ZAN: variants seen among roughly 807,000 people sequenced by gnomAD.
ZAN encodes zonadhesin (gene/pseudogene).
In ZAN, 260 loss-of-function variants were observed where a neutral mutation model predicts 286.2. The observed-to-expected ratio is 0.91, with a 90% CI of 0.82 to 1.01. The LOEUF (loss-of-function observed/expected upper bound fraction) is 1.01. Ranked by LOEUF, ZAN falls within the 50% of genes least tolerant of loss-of-function variation. The probability of loss-of-function intolerance (pLI) is 0.00; values close to 1 mark genes in which losing one functional copy is unlikely to be tolerated. For missense variants in ZAN, 3,410 were observed against 3,639.2 expected (o/e 0.94, Z 1.62); for synonymous variants, 1,368 against 1,417.5 (o/e 0.97, Z 0.79).
At position 100,784,815 on chromosome 7, in the gene ZAN, C is replaced by A. The variant is rs114513247; in HGVS notation, c.6815C>A (p.Ala2272Asp). 350 of 1,601,650 alleles carry A rather than the reference C, an allele frequency of 2.2e-4. No homozygotes were observed. In the African/African-American group the frequency reaches 4.1e-3, roughly 19 times the overall value. The change falls in exon 36 of 48, where the codon GCC becomes GAC. Residue 2272 changes from alanine to aspartate, a missense_variant. Physicochemically the swap from Ala to Asp is moderately radical, Grantham distance 126. Transcript: ENST00000613979. ...AGAAGTCAGTGTGGCTGCAAGGATG[C>A]CCATGGTGGCTCCATCCCTGTGAGT... ...VPRSQCGCKD[A>D]HGGSIPLGKS...
In ZAN at chr7:100,763,926, A is replaced by C. The variant is rs1241753978; in HGVS notation, c.4097+10A>C. The C allele has an allele frequency of 6.2e-7, 1 of 1,613,226 alleles. No homozygotes were observed. On this transcript the variant is annotated intron_variant, in intron 21 of 47. Transcript: ENST00000613979. This position sits in a 1 kb window ranked among gnomAD's most constrained non-coding sequence, Gnocchi z 4.6. ...CTCATGGCCCATTTGAGTATGAAGG[A>C]GGGCAGGCAGGGTCGCACAGGGGCG...
At chr7:100,761,921 GGA>G (rs1315821170) in intron 19 of ZAN, among the ~76,000 whole-genome samples, 1 of 151,082 alleles carries the variant, frequency 6.6e-6, no homozygotes, top group Admixed American at 6.6e-5. Flanking sequence ...CCTAGGTGAC[GGA>G]GAGAGACTCC....
chr7:100,755,312 C>T lies in ZAN; in HGVS notation c.3211C>T (p.Arg1071Trp), dbSNP rs773386504. ...CAGGCCTAGCTGTGGGCCCCTCTGTCGGGAGGGCTGTGTCTGCAACCCTGG... is the reference window on the plus strand; with the variant it reads ...CAGGCCTAGCTGTGGGCCCCTCTGTTGGGAGGGCTGTGTCTGCAACCCTGG... ...SPRPSCGPLC[R>W]EGCVCNPGFL... The change falls in exon 15 of 48, where the codon CGG becomes TGG. Residue 1071 changes from arginine to tryptophan, a missense_variant. Arg to Trp is a moderately radical substitution (Grantham distance 101). This residue lies in a region of ZAN where 1,042 missense variants were observed against 1,058.0 expected (regional missense o/e 0.98). Transcript: ENST00000613979. 19 of 1,613,732 alleles carry T rather than the reference C, an allele frequency of 1.2e-5. No homozygotes were observed. Among genetic ancestry groups the T allele is most frequent in the South Asian group, 1.1e-4 (10 of 91,084 alleles).
intron 31 of ZAN, among the ~76,000 whole-genome samples, chr7:100,774,745 G>A (rs1482037119): frequency 6.6e-6 from 1 of 151,776 alleles, no homozygotes; most frequent in East Asian, 1.9e-4. Context: ...AGGACCACTT[G>A]AGCCCAGGAG....
chr7:100,771,723 T>C (rs1187414635), intron 28 of ZAN, 121 bp from the exon 29 acceptor site: 5 of 1,103,658 alleles, frequency 4.5e-6, no homozygotes, highest in Non-Finnish European at 6.4e-6. Context: ...TGAGCCACTG[T>C]GCCTGGCGGG....
intron 28 of ZAN, among the ~76,000 whole-genome samples, chr7:100,770,621 G>A (rs1018016976): frequency 1.3e-5 from 2 of 151,246 alleles, no homozygotes; most frequent in African/African-American, 4.9e-5. Context: ...TAGTTGGGAT[G>A]ACAGGCATAA....
intron 33 of ZAN, 123 bp from the exon 34 acceptor site, chr7:100,776,317 G>A (rs1462479106): frequency 8.7e-6 from 11 of 1,261,926 alleles, no homozygotes; most frequent in Non-Finnish European, 1.0e-5. Context: ...AAACTTGAAG[G>A]AAGGGAGGGA....
chr7:100,768,031 G>A lies in ZAN; in HGVS notation c.5041+20G>A. ...TGTGTGGTGAGTTTCCTGGGCACCTGCGGGGAAAGCTGGGACAATGAGTAG... is the reference window on the plus strand; with the variant it reads ...TGTGTGGTGAGTTTCCTGGGCACCTACGGGGAAAGCTGGGACAATGAGTAG... On this transcript the variant is annotated intron_variant, in intron 26 of 47. Coordinates refer to ENST00000613979, the MANE Select transcript of ZAN (RefSeq NM_003386.3). The A allele has an allele frequency of 6.2e-7, 1 of 1,601,552 alleles. No individual in the cohort carries two copies. Among genetic ancestry groups the A allele is most frequent in the Non-Finnish European group, 8.5e-7 (1 of 1,173,648 alleles).
chr7:100,744,489 T>G (rs1328285581), intron 7 of ZAN, among the ~76,000 whole-genome samples: 2 of 150,720 alleles, frequency 1.3e-5, no homozygotes, highest in East Asian at 2.0e-4. Flanking sequence ...ATCCCAACAC[T>G]CGGGAGGCTG....
Position 100,791,220 on chromosome 7 carries a change from G to T in ZAN, c.7529+107G>T, listed in dbSNP as rs1459577444. The T allele has an allele frequency of 9.3e-6, 13 of 1,390,510 alleles. No homozygotes were observed. In the East Asian group the frequency reaches 2.7e-4, roughly 29 times the overall value. 86.1% of individuals were successfully genotyped at this position (1,390,510 alleles called of 1,614,324 possible). ...GAGAGGATGAAACTCCAGGGAGAGG[G>T]TGCAGATAGGCCTGGATCCTCCCAA... On this transcript the variant is annotated intron_variant, in intron 40 of 47. Transcript: ENST00000613979.
Position 100,759,723 on chromosome 7 carries a change from C to A in ZAN, c.3574C>A (p.Pro1192Thr), listed in dbSNP as rs768558837. The change falls in exon 18 of 48, where the codon CCA (proline) becomes ACA (threonine). Residue 1192 changes from proline (P) to threonine (T), a missense_variant and splice_region_variant. Transcript: ENST00000613979. ...TCTTCATTCCTCTCCCTACCCAGAC[C>A]CATTCTTCAGGGTGACAGCCAAGAA... ...LAQPCGNSTD[P>T]FFRVTAKNEE... 3 of 1,585,082 alleles carry A rather than the reference C, an allele frequency of 1.9e-6. No homozygotes were observed. The highest frequency in any genetic ancestry group is 1.8e-5 in the Admixed American group (1 of 55,820).
Position 100,763,819 on chromosome 7 carries a change from C to G in ZAN, c.4000C>G (p.Gln1334Glu). 1.2e-6 allele frequency: 2 copies of G among 1,614,000 alleles called. No homozygotes were observed. Among genetic ancestry groups the G allele is most frequent in the Non-Finnish European group, 1.7e-6 (2 of 1,179,890 alleles). Residue 1334 changes from glutamine (Q) to glutamate (E), a missense_variant, in exon 21 of 48, where the codon CAG (glutamine) becomes GAG (glutamate). Physicochemically the swap from Gln to Glu is conservative, Grantham distance 29. Coordinates refer to ENST00000613979, the MANE Select transcript of ZAN (RefSeq NM_003386.3). This position sits in a 1 kb window ranked among gnomAD's most constrained non-coding sequence, Gnocchi z 4.6. ...QDEDQECQKYQVVNSPSCDSS... is the reference protein window; with the variant it reads ...QDEDQECQKYEVVNSPSCDSS... Reference sequence around the variant, plus strand: ...GGTCTCTTGCAGGTGTCAGAAGTACCAGGTGGTGAATTCCCCGTCTTGTGA... The same window carrying G: ...GGTCTCTTGCAGGTGTCAGAAGTACGAGGTGGTGAATTCCCCGTCTTGTGA...
chr7:100,768,081 C>A, intron 26 of ZAN, 70 bp downstream of exon 26: 2 of 1,516,780 alleles, frequency 1.3e-6, no homozygotes, highest in African/African-American at 1.4e-5. Context: ...CCCAGCTCCC[C>A]CAACATCTCT....
Position 100,790,965 on chromosome 7 carries a change from G to A in ZAN, c.7381G>A (p.Glu2461Lys), listed in dbSNP as rs1322510745. ...NAVISLPSMY[E>K]GLVSGLCGNY... is the part of the protein sequence containing the mutation. ...AGTGATCTCCCTACCCAGCATGTAC[G>A]AGGGGCTTGTGAGTGGCCTGTGCGG... The change falls in exon 40 of 48, where the codon GAG becomes AAG. Residue 2461 changes from glutamate to lysine, a missense_variant. This residue lies in a region of ZAN where 1,289 missense variants were observed against 1,314.3 expected (regional missense o/e 0.98). Transcript: ENST00000613979. 8 of 1,611,986 alleles carry A rather than the reference G, an allele frequency of 5.0e-6. 1 individual carries two copies. Among genetic ancestry groups the A allele is most frequent in the South Asian group, 2.2e-5 (2 of 90,694 alleles).
intron 35 of ZAN, among the ~76,000 whole-genome samples, chr7:100,780,823 C>T (rs1811150456): frequency 6.6e-6 from 1 of 151,880 alleles, no homozygotes; most frequent in South Asian, 2.1e-4. Flanking sequence ...GGTGCAGTGA[C>T]TGACACCCGT....
chr7:100,792,982 C>CAAAAAAAAAAAAAAAAAAAAAAAAAAAAA (rs1232116032), intron 42 of ZAN, among the ~76,000 whole-genome samples: 10 of 50,956 alleles, frequency 2.0e-4, no homozygotes, highest in Non-Finnish European at 3.0e-4. Flanking sequence ...CATCCTATCT[C>CAAAAAAAAAAAAAAAAAAAAAAAAAAAAA]AAAAAAAAAA....
At chr7:100,753,492 A>G (rs1808929686) in intron 14 of ZAN, among the ~76,000 whole-genome samples, 1 of 151,986 alleles carries the variant, frequency 6.6e-6, no homozygotes, top group Non-Finnish European at 1.5e-5. Flanking sequence ...TGTTATTGAG[A>G]TATAATCCAT....
In ZAN at chr7:100,742,727, G is replaced by A. The variant is rs888259262; in HGVS notation, c.767-3811G>A. 1.2e-4 allele frequency among the ~76,000 whole-genome samples: 8 copies of A among 66,630 alleles called. 1 individual carries two copies. The highest frequency in any genetic ancestry group is 3.0e-4 in the East Asian group (1 of 3,308). 43.7% of individuals were successfully genotyped at this position (66,630 alleles called of 152,430 possible). The stretch of plus-strand genomic sequence containing the variant: ...CAAAACCAGTCAGGCGTGGCGGCGC[G>A]TGCCTGCAATCGCAGGCACTCGGCA... On this transcript the variant is annotated intron_variant, in intron 7 of 47. Coordinates refer to ENST00000613979, the MANE Select transcript of ZAN (RefSeq NM_003386.3).
rs3817651 is a variant in ZAN at position 100,765,172 on chromosome 7, T to C, written c.4268-180T>C. Among the ~76,000 whole-genome samples the C allele has an allele frequency of 1.1e-4, 16 of 152,310 alleles. No individual in the cohort carries two copies. In the East Asian group the frequency reaches 2.9e-3, roughly 28 times the overall value. ...TCTCTCAGGGCCGGCGCCTTAGTGC[T>C]GGCCCTGCAGCCCCAGGGAGCCAGC... is the stretch of plus-strand genomic sequence containing the variant. On this transcript the variant is annotated intron_variant, in intron 22 of 47. Transcript: ENST00000613979.
Sources: gnomAD v4.1 joint callset for allele counts (sites outside exome capture counted in the v4.1 genomes callset) on GRCh38, gnomAD v4.1.1 for gene constraint, gnomAD v4.1.1 regional missense constraint, Gnocchi (gnomAD v3.1) non-coding constraint, MANE v1.5 for transcripts, NCBI Gene and HGNC (gene_info 2026-07-23, HGNC 2026-07-21) for gene names.